The following PTPRN2 variants were observed in gnomAD, a reference collection of about 807,000 sequenced individuals.
PTPRN2 encodes protein tyrosine phosphatase receptor type N2, also known as receptor-type tyrosine-protein phosphatase N2.
In PTPRN2, 74 loss-of-function variants were observed where a neutral mutation model predicts 118.8. The observed-to-expected ratio is 0.62, with a 90% CI of 0.52 to 0.76. PTPRN2 has a LOEUF of 0.76. Among genes scored for constraint, PTPRN2 ranks in the 30% least tolerant of loss-of-function variants. PTPRN2 has a pLI of 0.00. For synonymous variants in PTPRN2, 641 were observed against 608.0 expected, an observed-to-expected ratio of 1.05 and a Z score of -0.80; for missense variants, 1,481 against 1,394.4, an observed-to-expected ratio of 1.06 and a Z score of -0.99.
intron 9 of PTPRN2, among the ~76,000 whole-genome samples, chr7:158,122,864 C>T (rs73745127): frequency 0.012 from 1,805 of 152,236 alleles, 33 homozygotes; most frequent in African/African-American, 0.041. Context: ...TTAACAAAAC[C>T]GAAGGAAGCC....
At chr7:158,065,098 C>T (rs1810654782) in intron 11 of PTPRN2, among the ~76,000 whole-genome samples, 1 of 152,188 alleles carries the variant, frequency 6.6e-6, no homozygotes, top group Non-Finnish European at 1.5e-5. Context: ...CAGGTGAGCA[C>T]AAAATCTGGG....
In PTPRN2 at chr7:158,133,691, G is replaced by C. The variant is rs201964824; in HGVS notation, c.1542C>G (p.Ile514Met). The change falls in exon 9 of 23, where the codon ATC becomes ATG. Residue 514 changes from isoleucine to methionine, a missense_variant. Ile to Met is a conservative substitution (Grantham distance 10). Around this residue, in one of 3 missense-constraint regions of PTPRN2, gnomAD observed 1,115 missense variants for 994.2 expected, o/e 1.12. Coordinates refer to ENST00000389418, the MANE Select transcript of PTPRN2 (RefSeq NM_002847.5). ...QPSEEEARGYIVTDRDPLRPE... is the reference protein window; with the variant it reads ...QPSEEEARGYMVTDRDPLRPE... ...CTGCTACTCACTCTCTGTCTGTCAC[G>C]ATGTAGCCCCGCGCCTCTTCCTCGG... The C allele has an allele frequency of 5.7e-6, 9 of 1,588,576 alleles. No homozygotes were observed. In the African/African-American group the frequency reaches 1.1e-4, roughly 19 times the overall value.
Position 158,531,926 on chromosome 7 carries a change from G to A in PTPRN2, c.113-42141C>T, listed in dbSNP as rs185732947. Among the ~76,000 whole-genome samples the A allele has an allele frequency of 4.7e-3, 709 of 152,300 alleles. 6 individuals are homozygous for A. The highest frequency in any genetic ancestry group is 0.016 in the African/African-American group (669 of 41,552). On this transcript the variant is annotated intron_variant, in intron 1 of 22. Transcript: ENST00000389418. Reference sequence around the variant, plus strand: ...CACACGTGCCTAAACACTTAGGTGCGCCGAGAAGCCCAGGCATTTGGGGTT... The same window carrying A: ...CACACGTGCCTAAACACTTAGGTGCACCGAGAAGCCCAGGCATTTGGGGTT...
chr7:158,146,496 C>T (rs535598073), intron 6 of PTPRN2, among the ~76,000 whole-genome samples: 10 of 151,954 alleles, frequency 6.6e-5, no homozygotes, highest in Admixed American at 2.6e-4. Context: ...CTGAGGCATG[C>T]GGATCACGAG....
chr7:158,242,473 C>T (rs1166610450), intron 3 of PTPRN2, among the ~76,000 whole-genome samples: 2 of 152,190 alleles, frequency 1.3e-5, no homozygotes, highest in African/African-American at 2.4e-5. Flanking sequence ...CTGTGTTCGT[C>T]GGGAATACTG....
rs142118745 is a variant in PTPRN2, at chr7:157,622,893, C to T, written c.2197-1384G>A. Among the ~76,000 whole-genome samples the T allele has an allele frequency of 6.6e-6, 1 of 152,170 alleles. No homozygotes were observed. The highest frequency in any genetic ancestry group is 2.4e-5 in the African/African-American group (1 of 41,446). ...CCTGCTCCACGCAGCGAACGCTTTT[C>T]CCCCACCACACCTTGAGCCTTGGGA... On this transcript the variant is annotated intron_variant, in intron 14 of 22. Coordinates refer to ENST00000389418, the MANE Select transcript of PTPRN2 (RefSeq NM_002847.5). The surrounding 1 kb of genome is among the most constrained non-coding windows in gnomAD (Gnocchi z 5.3).
At chr7:157,847,973 T>C (rs1044452949) in intron 12 of PTPRN2, among the ~76,000 whole-genome samples, 4 of 146,926 alleles carry the variant, frequency 2.7e-5, no homozygotes, top group Admixed American at 2.0e-4. Context: ...TGCCCGATGT[T>C]TACAGAGCCC....
intron 12 of PTPRN2, among the ~76,000 whole-genome samples, chr7:157,684,825 G>A (rs1047112091): frequency 3.9e-5 from 6 of 151,952 alleles, no homozygotes; most frequent in Admixed American, 3.3e-4. Context: ...TGGTTCTCCC[G>A]GGTGGGCGGC....
intron 12 of PTPRN2, among the ~76,000 whole-genome samples, chr7:157,792,058 A>C (rs1020027820): frequency 3.3e-5 from 5 of 152,214 alleles, no homozygotes; most frequent in Non-Finnish European, 2.9e-5. Flanking sequence ...TCACACTGCC[A>C]GTTTGTCAAA....
At chr7:158,468,315 G>A (rs370083659) in intron 2 of PTPRN2, among the ~76,000 whole-genome samples, 1 of 152,150 alleles carries the variant, frequency 6.6e-6, no homozygotes, top group African/African-American at 2.4e-5. Context: ...TTCCCTCACC[G>A]CACCTTTGGC....
intron 11 of PTPRN2, among the ~76,000 whole-genome samples, chr7:158,032,572 A>G (rs1296616970): frequency 6.6e-6 from 1 of 152,072 alleles, no homozygotes; most frequent in Non-Finnish European, 1.5e-5. Flanking sequence ...TTCCGTATGC[A>G]ATAGACTCGG....
chr7:157,993,701 C>A (rs1241526558), intron 11 of PTPRN2, among the ~76,000 whole-genome samples: 1 of 152,178 alleles, frequency 6.6e-6, no homozygotes, highest in African/African-American at 2.4e-5. Flanking sequence ...GAGCCACCCC[C>A]AACCCAGCAC....
At chr7:158,001,398 G>A (rs367612120) in intron 11 of PTPRN2, among the ~76,000 whole-genome samples, 1 of 151,996 alleles carries the variant, frequency 6.6e-6, no homozygotes, top group African/African-American at 2.4e-5. Flanking sequence ...TGGGAAGCTG[G>A]AGCCTTAAAT....
At chr7:158,217,955 A>C (rs1278805217) in intron 3 of PTPRN2, among the ~76,000 whole-genome samples, 1 of 152,208 alleles carries the variant, frequency 6.6e-6, no homozygotes, top group Non-Finnish European at 1.5e-5. Flanking sequence ...TAAAGTGACC[A>C]AAACTATGAC....
At chr7:157,642,845 G>C (rs1268392) in intron 14 of PTPRN2, among the ~76,000 whole-genome samples, 19 of 80,004 alleles carry the variant, frequency 2.4e-4, no homozygotes, top group South Asian at 8.9e-4. Flanking sequence ...AAAAAAAAAA[G>C]CAGCTAAAAC....
chr7:157,936,630 T>G (rs868322143), intron 11 of PTPRN2, among the ~76,000 whole-genome samples: 2,061 of 120,616 alleles, frequency 0.017, 40 homozygotes, highest in African/African-American at 0.024. Context: ...CAGGGTGGGG[T>G]TCTACAGTGC....
At chr7:157,750,150 G>A (rs190438448) in intron 12 of PTPRN2, among the ~76,000 whole-genome samples, 34 of 152,038 alleles carry the variant, frequency 2.2e-4, no homozygotes, top group African/African-American at 7.0e-4. Context: ...ATCCTTCTTC[G>A]TAATGTGTAT....
rs987321614 is a variant in PTPRN2 at position 158,434,636 on chromosome 7, T to C, written c.163+55099A>G. Among the ~76,000 whole-genome samples the C allele has an allele frequency of 1.1e-4, 17 of 152,348 alleles. No individual in the cohort carries two copies. In the East Asian group the frequency reaches 3.3e-3, roughly 29 times the overall value. ...TTGAGTGGAGTATTTATCTCATTTA[T>C]TTACAATGAAATTACTAATATATTG... On this transcript the variant is annotated intron_variant, in intron 2 of 22. Transcript: ENST00000389418.
intron 2 of PTPRN2, among the ~76,000 whole-genome samples, chr7:158,483,378 A>C (rs1254746338): frequency 6.6e-6 from 1 of 152,248 alleles, no homozygotes; most frequent in East Asian, 1.9e-4. Context: ...CTCAATAAAT[A>C]ATTTCCCACT....
Sources: allele counts gnomAD v4.1 joint callset (sites outside exome capture counted in the v4.1 genomes callset), GRCh38; gene constraint gnomAD v4.1.1; regional missense constraint gnomAD v4.1.1; non-coding constraint Gnocchi (gnomAD v3.1); transcripts MANE v1.5; gene names NCBI Gene and HGNC (gene_info 2026-07-23, HGNC 2026-07-21).